Variants in MAP3K4 observed in about 807,000 individuals in gnomAD.
MAP3K4 encodes the protein MAP three kinase 1.
A neutral mutation model predicts 185.6 loss-of-function variants in MAP3K4; 67 were observed. That is an observed-to-expected ratio of 0.36 (90% CI 0.30 to 0.44). MAP3K4 has a LOEUF of 0.44. Among genes scored for constraint, MAP3K4 ranks in the 20% least tolerant of loss-of-function variants. MAP3K4 has a pLI of 1.00. For synonymous variants in MAP3K4, 702 were observed against 710.4 expected (o/e 0.99, Z 0.19); for missense variants, 1,551 against 1,995.1 (o/e 0.78, Z 4.24).
chr6:161,106,723 C>CA lies in MAP3K4; in HGVS notation c.4048+19dup. 6.3e-7 allele frequency: 1 copy of CA among 1,594,300 alleles called. No homozygotes were observed. The highest frequency in any genetic ancestry group is 8.6e-7 in the Non-Finnish European group (1 of 1,167,544). ...CAAAATTGGTAAGGAAATTAAGGAG[C>CA]ATGATGTCAAGATAGTCCCTGTTAG... is the stretch of plus-strand genomic sequence containing the variant. On this transcript the variant is annotated intron_variant, in intron 20 of 26. Transcript: ENST00000392142. This position sits in a 1 kb window ranked among gnomAD's most constrained non-coding sequence, Gnocchi z 4.9.
chr6:160,992,265 C>T (rs866546989), intron 1 of MAP3K4, 182 bp downstream of exon 1: 1 of 799,352 alleles, frequency 1.3e-6, no homozygotes, highest in East Asian at 3.3e-5. Context: ...CTGAGTCTGT[C>T]CGGCGACTCC....
rs1784117735 is a variant in MAP3K4 at position 161,053,880 on chromosome 6, C to G, written c.1707+3901C>G. The stretch of plus-strand genomic sequence containing the variant: ...AAGTGCTGGGATTACAGGCGTGAGC[C>G]ACTGCGCCTGGCTAGTGTTTTTGTT... On this transcript the variant is annotated intron_variant, in intron 3 of 26. Transcript: ENST00000392142. The surrounding 1 kb of genome is among the most constrained non-coding windows in gnomAD (Gnocchi z 4.2). Among the ~76,000 whole-genome samples the G allele has an allele frequency of 6.6e-6, 1 of 152,186 alleles. No homozygotes were observed. The highest frequency in any genetic ancestry group is 6.5e-5 in the Admixed American group (1 of 15,280).
rs1191626303 is a variant in MAP3K4, at chr6:161,074,646, TGTATCG to T, written c.2097+1035_2097+1040del. ...TTTCCATAGTATCTGATAGTGTTCA[TGTATCG>T]TAAGTACACGTTAGATTCATTAGGG... is the stretch of plus-strand genomic sequence containing the variant. On this transcript the variant is annotated intron_variant, in intron 5 of 26. Coordinates refer to ENST00000392142, the MANE Select transcript of MAP3K4 (RefSeq NM_005922.4). This position sits in a 1 kb window ranked among gnomAD's most constrained non-coding sequence, Gnocchi z 5.0. 6.6e-6 allele frequency among the ~76,000 whole-genome samples: 1 copy of T among 152,258 alleles called. No homozygotes were observed. Among genetic ancestry groups the T allele is most frequent in the Non-Finnish European group, 1.5e-5 (1 of 68,048 alleles).
At chr6:161,083,835 T>G (rs374668069) in intron 6 of MAP3K4, among the ~76,000 whole-genome samples, 2 of 152,212 alleles carry the variant, frequency 1.3e-5, no homozygotes, top group African/African-American at 4.8e-5. Flanking sequence ...AAACTGTGCC[T>G]TCGGGGTTGG....
rs1426687872 is a variant in MAP3K4, at chr6:161,051,654, G to A, written c.1707+1675G>A. Among the ~76,000 whole-genome samples, 1 of 152,152 alleles carries A rather than the reference G, an allele frequency of 6.6e-6. No individual in the cohort carries two copies. The highest frequency in any genetic ancestry group is 1.5e-5 in the Non-Finnish European group (1 of 68,032). On this transcript the variant is annotated intron_variant, in intron 3 of 26. Coordinates refer to ENST00000392142, the MANE Select transcript of MAP3K4 (RefSeq NM_005922.4). The surrounding 1 kb of genome is among the most constrained non-coding windows in gnomAD (Gnocchi z 4.2). ...CAACATCCCTTGGTATCTCATCCCA[G>A]GGGGATTTGTTCCAGGACCCCCATG...
Position 161,109,874 on chromosome 6 carries a change from C to T in MAP3K4, c.4356C>T (p.Asn1452=), listed in dbSNP as rs749501908. The T allele has an allele frequency of 1.1e-5, 17 of 1,614,014 alleles. No individual in the cohort carries two copies. Among genetic ancestry groups the T allele is most frequent in the African/African-American group, 2.7e-5 (2 of 74,894 alleles). Residue 1452 remains asparagine, a synonymous_variant, in exon 23 of 27, where the codon AAC becomes AAT. Coordinates refer to ENST00000392142, the MANE Select transcript of MAP3K4 (RefSeq NM_005922.4). The surrounding 1 kb of genome is among the most constrained non-coding windows in gnomAD (Gnocchi z 5.7). ...LYSKQITIAI[N]VLHEHGIVHR... ...CAAAGCAGATCACCATTGCGATCAA[C>T]GTCCTCCATGAGCATGGCATAGTCC...
chr6:161,117,012 C>G lies in MAP3K4; in HGVS notation c.*142C>G. The stretch of plus-strand genomic sequence containing the variant: ...GCACAGGTGACAAGCGTCACTTCTC[C>G]TGCTGCTCCTGTTTGTCTGATGTGG... On this transcript the variant is annotated 3_prime_UTR_variant, in exon 27 of 27. Transcript: ENST00000392142. 1.4e-6 allele frequency: 1 copy of G among 737,976 alleles called. No individual in the cohort carries two copies. Among genetic ancestry groups the G allele is most frequent in the Non-Finnish European group, 2.2e-6 (1 of 444,812 alleles). 45.7% of individuals were successfully genotyped at this position (737,976 alleles called of 1,614,324 possible).
chr6:161,106,362 A>G lies in MAP3K4; in HGVS notation c.3857-152A>G, dbSNP rs9689684. 8.3e-3 allele frequency: 4,664 copies of G among 560,660 alleles called. 184 individuals carry two copies. Among genetic ancestry groups the G allele is most frequent in the African/African-American group, 0.077 (4,120 of 53,706 alleles). The allele number at this position is 560,660 out of a possible 1,614,324, so 34.7% of individuals were successfully genotyped here. On this transcript the variant is annotated intron_variant, in intron 19 of 26. Transcript: ENST00000392142. The surrounding 1 kb of genome is among the most constrained non-coding windows in gnomAD (Gnocchi z 4.9). ...ATGCTGGAATGAGTAGCGTTTGAAGAACTTTAATTCACCTGCTGTTTATCT... is the reference window on the plus strand; with the variant it reads ...ATGCTGGAATGAGTAGCGTTTGAAGGACTTTAATTCACCTGCTGTTTATCT...
chr6:160,995,985 A>G (rs1780971767), intron 1 of MAP3K4, among the ~76,000 whole-genome samples: 1 of 152,240 alleles, frequency 6.6e-6, no homozygotes, highest in East Asian at 1.9e-4. Context: ...TTTACTTTAT[A>G]TATTTATTGT....
chr6:161,054,032 T>TA lies in MAP3K4; in HGVS notation c.1707+4054dup, dbSNP rs545026218. 7.2e-5 allele frequency among the ~76,000 whole-genome samples: 11 copies of TA among 152,374 alleles called. No homozygotes were observed. The South Asian group carries it at 2.3e-3, about 32-fold the overall frequency. On this transcript the variant is annotated intron_variant, in intron 3 of 26. Coordinates refer to ENST00000392142, the MANE Select transcript of MAP3K4 (RefSeq NM_005922.4). The surrounding 1 kb of genome is among the most constrained non-coding windows in gnomAD (Gnocchi z 4.2). ...GAAGGATTTTGTAGAAAAGAAGAAA[T>TA]ACACGTGATGTTTGATTTTTCTTAT...
chr6:161,023,134 C>T lies in MAP3K4; in HGVS notation c.153-11125C>T, dbSNP rs150478375. ...ACTAGTACAGAATTTTTCAATCTTC[C>T]ACCATCTGTGTAACACCTTATAATT... On this transcript the variant is annotated intron_variant, in intron 1 of 26. Transcript: ENST00000392142. Among the ~76,000 whole-genome samples the T allele has an allele frequency of 1.8e-3, 278 of 152,236 alleles. 2 individuals are homozygous for T. Among genetic ancestry groups the T allele is most frequent in the African/African-American group, 6.5e-3 (268 of 41,544 alleles).
chr6:161,070,770 C>G lies in MAP3K4; in HGVS notation c.1870C>G (p.Leu624Val), dbSNP rs774112460. The change falls in exon 4 of 27, where the codon CTG becomes GTG. Residue 624 changes from leucine (L) to valine (V), a missense_variant. Coordinates refer to ENST00000392142, the MANE Select transcript of MAP3K4 (RefSeq NM_005922.4). This position sits in a 1 kb window ranked among gnomAD's most constrained non-coding sequence, Gnocchi z 4.5. ...PAFLVLCRVL[L>V]NVIHECLKLR... ...CTTCCTAGTTCTCTGCCGAGTCCTTCTGAATGTCATACATGAGTGTCTGAA... is the reference window on the plus strand; with the variant it reads ...CTTCCTAGTTCTCTGCCGAGTCCTTGTGAATGTCATACATGAGTGTCTGAA... The G allele has an allele frequency of 6.2e-7, 1 of 1,614,144 alleles. No homozygotes were observed. The highest frequency in any genetic ancestry group is 1.7e-5 in the Admixed American group (1 of 60,024).
intron 1 of MAP3K4, among the ~76,000 whole-genome samples, chr6:161,010,662 G>T (rs1781802921): frequency 6.6e-6 from 1 of 152,076 alleles, no homozygotes; most frequent in Non-Finnish European, 1.5e-5. Flanking sequence ...TAATCACTTT[G>T]CTATATTTAC....
Position 161,008,259 on chromosome 6 carries a change from C to A in MAP3K4, c.152+16176C>A, listed in dbSNP as rs9458083. Among the ~76,000 whole-genome samples the A allele has an allele frequency of 7.9e-3, 1,207 of 152,124 alleles. 14 individuals carry two copies. Among genetic ancestry groups the A allele is most frequent in the African/African-American group, 0.027 (1,126 of 41,482 alleles). On this transcript the variant is annotated intron_variant, in intron 1 of 26. Coordinates refer to ENST00000392142, the MANE Select transcript of MAP3K4 (RefSeq NM_005922.4). This position sits in a 1 kb window ranked among gnomAD's most constrained non-coding sequence, Gnocchi z 4.1. ...GATCTTAATTTAACCAGTCTTTTGT[C>A]GGACTCTTAGGATGTTTCTGTTTCT...
At chr6:161,035,324 C>T (rs1783116232) in intron 2 of MAP3K4, among the ~76,000 whole-genome samples, 1 of 152,162 alleles carries the variant, frequency 6.6e-6, no homozygotes, top group Non-Finnish European at 1.5e-5. Context: ...TTCTACCTCT[C>T]CCTTTCTGTA....
chr6:161,017,086 A>G lies in MAP3K4; in HGVS notation c.153-17173A>G, dbSNP rs1782151003. ...ACTAAAGGTCTTGTGTGCACTGAAA[A>G]AAGAATTTTAGAAGCGAAAAAAGAA... On this transcript the variant is annotated intron_variant, in intron 1 of 26. Coordinates refer to ENST00000392142, the MANE Select transcript of MAP3K4 (RefSeq NM_005922.4). The surrounding 1 kb of genome is among the most constrained non-coding windows in gnomAD (Gnocchi z 5.1). 6.6e-6 allele frequency among the ~76,000 whole-genome samples: 1 copy of G among 152,156 alleles called. No homozygotes were observed. The highest frequency in any genetic ancestry group is 1.5e-5 in the Non-Finnish European group (1 of 68,026).
chr6:161,024,363 A>T lies in MAP3K4; in HGVS notation c.153-9896A>T, dbSNP rs571867680. Among the ~76,000 whole-genome samples, 27 of 152,316 alleles carry T rather than the reference A, an allele frequency of 1.8e-4. No individual in the cohort carries two copies. In the Middle Eastern group the frequency reaches 0.014, roughly 77 times the overall value. On this transcript the variant is annotated intron_variant, in intron 1 of 26. Coordinates refer to ENST00000392142, the MANE Select transcript of MAP3K4 (RefSeq NM_005922.4). The stretch of plus-strand genomic sequence containing the variant: ...AGTTTCCCCTTTTATTAAATTTTAT[A>T]TAACTTCATATATTTGTCACGACTA...
chr6:161,071,694 A>G lies in MAP3K4; in HGVS notation c.1950+844A>G, dbSNP rs1405703520. 6.6e-6 allele frequency among the ~76,000 whole-genome samples: 1 copy of G among 152,114 alleles called. No homozygotes were observed. Among genetic ancestry groups the G allele is most frequent in the Non-Finnish European group, 1.5e-5 (1 of 68,020 alleles). ...AATGACTAATGAAAGTCATTTGGAG[A>G]TTGTCCCCTGCATCTCATTTCCATC... On this transcript the variant is annotated intron_variant, in intron 4 of 26. Coordinates refer to ENST00000392142, the MANE Select transcript of MAP3K4 (RefSeq NM_005922.4). The surrounding 1 kb of genome is among the most constrained non-coding windows in gnomAD (Gnocchi z 4.6).
intron 18 of MAP3K4, 75 bp downstream of exon 18, chr6:161,102,067 A>T: frequency 1.7e-6 from 2 of 1,185,286 alleles, no homozygotes; most frequent in South Asian, 2.6e-5. Flanking sequence ...TTCTGTTGTT[A>T]ATGCCTTTAT....
Sources: gnomAD v4.1 joint callset for allele counts (sites outside exome capture counted in the v4.1 genomes callset) on GRCh38, gnomAD v4.1.1 for gene constraint, Gnocchi (gnomAD v3.1) non-coding constraint, MANE v1.5 for transcripts, NCBI Gene and HGNC (gene_info 2026-07-23, HGNC 2026-07-21) for gene names.